Variants in GPC3 observed in about 807,000 individuals in gnomAD.
The protein encoded by GPC3 is glypican-3.
GPC3 carries 3 observed loss-of-function variants against 34.4 expected under a neutral mutation model. That is an observed-to-expected ratio of 0.09 (90% CI 0.04 to 0.23). The LOEUF (loss-of-function observed/expected upper bound fraction) is 0.23, where lower values mean the gene tolerates loss of function less well. Ranked by LOEUF, GPC3 falls within the 10% of genes least tolerant of loss-of-function variation. The pLI, the probability that GPC3 is intolerant of heterozygous loss-of-function variation, is 1.00. For synonymous variants in GPC3, 177 were observed against 174.0 expected, an observed-to-expected ratio of 1.02 and a Z score of -0.13; for missense variants, 351 against 445.6, an observed-to-expected ratio of 0.79 and a Z score of 1.91.
chrX:133,741,679 G>A (rs995502022), intron 3 of GPC3, among the ~76,000 whole-genome samples: 3 of 112,758 alleles, frequency 2.7e-5, no homozygotes, highest in African/African-American at 6.4e-5. Context: ...TAGGAAAAAG[G>A]TAATGATAAT....
chrX:133,881,842 G>C (rs998402361), intron 2 of GPC3, among the ~76,000 whole-genome samples: 4 of 112,573 alleles, frequency 3.6e-5, no homozygotes, highest in African/African-American at 1.3e-4. Flanking sequence ...TGACATACTA[G>C]TAAAAAACTC....
intron 4 of GPC3, among the ~76,000 whole-genome samples, chrX:133,693,992 T>C (rs1378244098): frequency 9.0e-6 from 1 of 110,659 alleles, no homozygotes; most frequent in Non-Finnish European, 1.9e-5. Flanking sequence ...TTCCCTTTCC[T>C]TTTCTCCACC....
intron 3 of GPC3, among the ~76,000 whole-genome samples, chrX:133,750,672 G>A (rs2071657670): frequency 8.9e-6 from 1 of 112,218 alleles, no homozygotes; most frequent in African/African-American, 3.2e-5. Context: ...CATACACAAA[G>A]CAGATGTTTA....
chrX:133,644,775 C>T (rs1467773707), intron 6 of GPC3, among the ~76,000 whole-genome samples: 1 of 111,100 alleles, frequency 9.0e-6, no homozygotes, highest in Non-Finnish European at 1.9e-5. Context: ...GGGATTCTTT[C>T]TTCTCTCTTT....
intron 7 of GPC3, among the ~76,000 whole-genome samples, chrX:133,556,798 A>G (rs1420021314): frequency 2.0e-5 from 2 of 100,045 alleles, no homozygotes; most frequent in African/African-American, 7.3e-5. Flanking sequence ...GGGAGGGATA[A>G]CATTAGGAGA....
intron 2 of GPC3, among the ~76,000 whole-genome samples, chrX:133,834,419 TAA>T (rs2075790513): frequency 9.0e-6 from 1 of 111,681 alleles, no homozygotes; most frequent in Non-Finnish European, 1.9e-5. Flanking sequence ...TGGACCCTGG[TAA>T]GTTATTCATT....
chrX:133,570,107 G>A (rs2069614044), intron 7 of GPC3, among the ~76,000 whole-genome samples: 2 of 111,134 alleles, frequency 1.8e-5, no homozygotes, highest in African/African-American at 6.6e-5. Context: ...TAGTCAGGAT[G>A]GTCTCGATCT....
intron 2 of GPC3, among the ~76,000 whole-genome samples, chrX:133,947,791 A>C (rs942275093): frequency 1.8e-5 from 2 of 112,007 alleles, no homozygotes; most frequent in Non-Finnish European, 3.8e-5. Flanking sequence ...CGGTTTGATT[A>C]ATAATTTACA....
At chrX:133,820,193 T>C (rs189761904) in intron 2 of GPC3, among the ~76,000 whole-genome samples, 425 of 112,020 alleles carry the variant, frequency 3.8e-3, no homozygotes, top group Non-Finnish European at 5.0e-3. Flanking sequence ...TGATAATATA[T>C]GTAACTGAAG....
intron 2 of GPC3, among the ~76,000 whole-genome samples, chrX:133,830,700 A>C (rs1435295024): frequency 1.8e-5 from 2 of 108,209 alleles, no homozygotes; most frequent in Non-Finnish European, 3.8e-5. Context: ...AAAAAAAAAA[A>C]AAAAAACATA....
At chrX:133,940,016 T>A (rs914523935) in intron 2 of GPC3, among the ~76,000 whole-genome samples, 1 of 111,281 alleles carries the variant, frequency 9.0e-6, no homozygotes, top group East Asian at 2.8e-4. Context: ...ATTGTGTTTG[T>A]CAGGGTAGCA....
At chrX:133,704,678 G>C (rs2071199399) in intron 3 of GPC3, among the ~76,000 whole-genome samples, 2 of 110,312 alleles carry the variant, frequency 1.8e-5, no homozygotes, top group Admixed American at 2.0e-4. Context: ...CCACATGACG[G>C]TCTTACGACA....
chrX:133,638,100 C>T (rs750630036), intron 6 of GPC3, among the ~76,000 whole-genome samples: 57 of 111,462 alleles, frequency 5.1e-4, no homozygotes, highest in Non-Finnish European at 6.6e-4. Context: ...GAAGGGTTTT[C>T]GTCCTTTAGG....
intron 2 of GPC3, among the ~76,000 whole-genome samples, chrX:133,948,588 T>C (rs1048083813): frequency 1.8e-5 from 2 of 111,235 alleles, no homozygotes; most frequent in African/African-American, 6.5e-5. Context: ...AAAAATGCAA[T>C]TAAAATATGG....
chrX:133,560,916 A>G (rs1310387761), intron 7 of GPC3, among the ~76,000 whole-genome samples: 1 of 112,151 alleles, frequency 8.9e-6, no homozygotes, highest in Non-Finnish European at 1.9e-5. Context: ...ATCATCAAAG[A>G]GGTCAGATGC....
chrX:133,825,377 A>G (rs1367330014), intron 2 of GPC3, among the ~76,000 whole-genome samples: 4 of 112,065 alleles, frequency 3.6e-5, no homozygotes, highest in African/African-American at 1.3e-4. Context: ...AGCAGAATGG[A>G]AGTGGAGCTC....
chrX:133,652,929 G>T (rs149555725), intron 6 of GPC3, among the ~76,000 whole-genome samples: 1,687 of 111,925 alleles, frequency 0.015, 29 homozygotes, highest in African/African-American at 0.052. Context: ...GCCACTTCTG[G>T]TTCACTAGTA....
intron 6 of GPC3, among the ~76,000 whole-genome samples, chrX:133,646,654 G>A (rs1053709637): frequency 2.7e-5 from 3 of 112,102 alleles, no homozygotes; most frequent in African/African-American, 9.7e-5. Flanking sequence ...TTGAAAGGAG[G>A]CAGCCAAGAA....
chrX:133,985,377 G>A lies in GPC3; in HGVS notation c.73C>T (p.Gln25Ter). Reference sequence around the variant, plus strand: ...GCGTCCGGCGGCGGCGGCGGGGGCTGCGCCTGTCCCGGGAAGTCCAAGCTG... The same window carrying A: ...GCGTCCGGCGGCGGCGGCGGGGGCTACGCCTGTCCCGGGAAGTCCAAGCTG... ...LLSLDFPGQA[Q>*]PPPPPPDATC... Residue 25 changes from glutamine to a stop codon, truncating the protein, a stop_gained, in exon 1 of 8, where the codon CAG (glutamine) becomes TAG (stop). Transcript: ENST00000370818. LOFTEE classifies it high-confidence loss of function. 1 of 1,198,839 alleles carries A rather than the reference G, an allele frequency of 8.3e-7. No individual in the cohort carries two copies. The highest frequency in any genetic ancestry group is 1.1e-6 in the Non-Finnish European group (1 of 889,149).
Sources: gnomAD v4.1 joint callset for allele counts (sites outside exome capture counted in the v4.1 genomes callset) on GRCh38, gnomAD v4.1.1 for gene constraint, MANE v1.5 for transcripts, NCBI Gene and HGNC (gene_info 2026-07-23, HGNC 2026-07-21) for gene names.